The following DDX5 variants were observed in gnomAD, a reference collection of about 807,000 sequenced individuals.
DDX5 encodes DEAD-box helicase 5.
A neutral mutation model predicts 68.6 loss-of-function variants in DDX5; 6 were observed. The observed-to-expected ratio is 0.09, with a 90% confidence interval of 0.05 to 0.17. The LOEUF (loss-of-function observed/expected upper bound fraction) is 0.17. Ranked by LOEUF, DDX5 falls within the 10% of genes least tolerant of loss-of-function variation. The pLI, the probability that DDX5 is intolerant of heterozygous loss-of-function variation, is 1.00. For synonymous variants in DDX5, 350 were observed against 247.0 expected (o/e 1.42, Z -3.91); for missense variants, 499 against 756.1 (o/e 0.66, Z 3.99).
chr17:64,505,707 T>A (rs2038466076), intron 1 of DDX5: 2 of 1,531,542 alleles, frequency 1.3e-6, no homozygotes, highest in South Asian at 2.4e-5. Flanking sequence ...TCCCACAGAA[T>A]GCCCGGCCAC....
intron 8 of DDX5, 81 bp from the exon 9 acceptor site, chr17:64,502,630 A>AT: frequency 9.9e-7 from 1 of 1,014,974 alleles, no homozygotes; most frequent in East Asian, 2.4e-5. Flanking sequence ...TCAGCAAAAC[A>AT]TTAAGTTCAA....
intron 12 of DDX5, 60 bp downstream of exon 12, chr17:64,500,489 T>G (rs1012259676): frequency 2.6e-6 from 4 of 1,557,312 alleles, no homozygotes; most frequent in Non-Finnish European, 3.5e-6. Flanking sequence ...ACCATTTAAA[T>G]GGATTTGTAG....
chr17:64,502,680 C>T, intron 8 of DDX5, 131 bp from the exon 9 acceptor site: 2 of 757,546 alleles, frequency 2.6e-6, no homozygotes, highest in South Asian at 3.6e-5. Context: ...GCCTGCTAAT[C>T]CACTTATCGA....
Position 64,499,771 on chromosome 17 carries a change from C to A in DDX5, c.*152G>T. The stretch of plus-strand genomic sequence containing the variant: ...TTGTTTCAGGAATGTAGAGAAATAT[C>A]CAACTTAAATAGCGAAAAAGTGCAC... On this transcript the variant is annotated 3_prime_UTR_variant, in exon 13 of 13. Coordinates refer to ENST00000225792, the MANE Select transcript of DDX5 (RefSeq NM_004396.5). 1.5e-6 allele frequency: 1 copy of A among 655,794 alleles called. No homozygotes were observed. The highest frequency in any genetic ancestry group is 2.3e-6 in the Non-Finnish European group (1 of 431,162). 40.6% of individuals were successfully genotyped at this position (655,794 alleles called of 1,614,324 possible).
intron 2 of DDX5, 173 bp from the exon 3 acceptor site, chr17:64,504,491 C>T: frequency 2.2e-6 from 2 of 922,582 alleles, no homozygotes; most frequent in Non-Finnish European, 3.2e-6. Context: ...TTGTTATACT[C>T]AACCTAATTT....
At chr17:64,502,133 G>C in intron 10 of DDX5, 29 bp downstream of exon 10, 1 of 1,613,748 alleles carries the variant, frequency 6.2e-7, no homozygotes, top group Non-Finnish European at 8.5e-7. Flanking sequence ...TTAAGTAAGG[G>C]GGAAAAATAC....
At chr17:64,503,130 A>T in intron 7 of DDX5, 32 bp from the exon 8 acceptor site, 1 of 1,611,790 alleles carries the variant, frequency 6.2e-7, no homozygotes, top group Non-Finnish European at 8.5e-7. Flanking sequence ...AATTAGTATC[A>T]GACTCTTAAG....
upstream of DDX5, chr17:64,506,308 G>C (rs1482492335): frequency 6.0e-6 from 9 of 1,511,070 alleles, no homozygotes; most frequent in African/African-American, 9.7e-5. Flanking sequence ...CTTTCCGGCA[G>C]CCGCTTTTAT....
chr17:64,504,365 TAGCTA>T, intron 2 of DDX5, 47 bp from the exon 3 acceptor site: 1 of 1,484,888 alleles, frequency 6.7e-7, no homozygotes, highest in South Asian at 1.1e-5. Context: ...CAACCACCCC[TAGCTA>T]AATACGTAAT....
intron 4 of DDX5, 30 bp downstream of exon 4, chr17:64,503,953 A>AG: frequency 6.2e-7 from 1 of 1,614,078 alleles, no homozygotes; most frequent in Non-Finnish European, 8.5e-7. Flanking sequence ...TGCATATATC[A>AG]GATCAACTCA....
At chr17:64,502,403 T>G (rs2144258457) in intron 9 of DDX5, 36 bp downstream of exon 9, 8 of 1,532,176 alleles carry the variant, frequency 5.2e-6, no homozygotes, top group Non-Finnish European at 7.2e-6. Context: ...TAAGCTGTTT[T>G]AATCAATCTG....
At position 64,500,019 on chromosome 17, in the gene DDX5, A is replaced by G. The variant is rs1555670709; in HGVS notation, c.1749T>C (p.Asn583=). ...CCTGTTGGTTCATACCATTGTGCAT[A>G]TTTGGAACATTACTTCCGTATTGCT... ...STQQYGSNVP[N]MHNGMNQQAY... is the part of the protein sequence containing the mutation. The change falls in exon 13 of 13, where the codon AAT becomes AAC. Residue 583 remains asparagine, a synonymous_variant. Coordinates refer to ENST00000225792, the MANE Select transcript of DDX5 (RefSeq NM_004396.5). The G allele has an allele frequency of 6.2e-7, 1 of 1,614,220 alleles. No homozygotes were observed. The highest frequency in any genetic ancestry group is 2.2e-5 in the East Asian group (1 of 44,894).
At position 64,502,223 on chromosome 17, in the gene DDX5, C is replaced by T; in HGVS notation, c.1095G>A (p.Gly365=). The change falls in exon 10 of 13, where the codon GGG becomes GGA. Residue 365 remains glycine, a splice_region_variant and synonymous_variant. Coordinates refer to ENST00000225792, the MANE Select transcript of DDX5 (RefSeq NM_004396.5). ...CACCATGGATACCCATGGCAGGCCA[C>T]CTAAGTTAAAAGACAAGTTGTGTTA... ...DELTRKMRRD[G]WPAMGIHGDK... is the part of the protein sequence containing the mutation. The T allele has an allele frequency of 1.2e-6, 2 of 1,613,936 alleles. No individual in the cohort carries two copies. The highest frequency in any genetic ancestry group is 1.1e-5 in the South Asian group (1 of 91,060).
intron 2 of DDX5, 41 bp downstream of exon 2, chr17:64,504,616 TTTCATTTACTAGAATCCACG>T: frequency 1.3e-6 from 2 of 1,526,752 alleles, no homozygotes; most frequent in Non-Finnish European, 1.8e-6. Flanking sequence ...CCTGTCAGAA[TTTCATTTACTAGAATCCACG>T]ATCGAGTTAC....
In DDX5 at chr17:64,500,990, G is replaced by A. The variant is rs1207874643; in HGVS notation, c.1217-217C>T. 1.2e-5 allele frequency: 7 copies of A among 576,534 alleles called. No homozygotes were observed. In the East Asian group the frequency reaches 2.0e-4, roughly 16 times the overall value. The allele number at this position is 576,534 out of a possible 1,614,324, so 35.7% of individuals were successfully genotyped here. On this transcript the variant is annotated intron_variant, in intron 11 of 12. Coordinates refer to ENST00000225792, the MANE Select transcript of DDX5 (RefSeq NM_004396.5). ...ATCTGTATAATTCATCACCCACCCA[G>A]TGACAGACCCTGTCAAAAGGAATGT...
At chr17:64,500,381 T>C in intron 12 of DDX5, 55 bp from the exon 13 acceptor site, 1 of 1,560,450 alleles carries the variant, frequency 6.4e-7, no homozygotes, top group South Asian at 1.2e-5. Flanking sequence ...CAAATCATTG[T>C]GGACAGAAAG....
Position 64,503,505 on chromosome 17 carries a change from T to C in DDX5, c.574A>G (p.Arg192Gly). The C allele has an allele frequency of 6.2e-7, 1 of 1,614,254 alleles. No individual in the cohort carries two copies. The highest frequency in any genetic ancestry group is 8.5e-7 in the Non-Finnish European group (1 of 1,180,032). ...CAAGTAGACTTCAAGCGACATGCTCTACAATATTCAGCAGCTACTTGCTGC... is the reference window on the plus strand; with the variant it reads ...CAAGTAGACTTCAAGCGACATGCTCCACAATATTCAGCAGCTACTTGCTGC... ...QVQQVAAEYC[R>G]ACRLKSTCIY... Residue 192 changes from arginine (R) to glycine (G), a missense_variant, in exon 6 of 13, where the codon AGA (arginine) becomes GGA (glycine). Coordinates refer to ENST00000225792, the MANE Select transcript of DDX5 (RefSeq NM_004396.5).
Position 64,498,888 on chromosome 17 carries a change from T to C in DDX5, c.*1035A>G, listed in dbSNP as rs2038223849. On this transcript the variant is annotated 3_prime_UTR_variant, in exon 13 of 13. Coordinates refer to ENST00000225792, the MANE Select transcript of DDX5 (RefSeq NM_004396.5). ...TCATTCACTGTGCTTTTGGTTACGT[T>C]GCCTCCTGATTAGTCATTAATTTTA... Among the ~76,000 whole-genome samples, 1 of 152,218 alleles carries C rather than the reference T, an allele frequency of 6.6e-6. No individual in the cohort carries two copies. Among genetic ancestry groups the C allele is most frequent in the Non-Finnish European group, 1.5e-5 (1 of 68,036 alleles).
At chr17:64,504,964 G>A in intron 1 of DDX5, 122 bp from the exon 2 acceptor site, 2 of 830,018 alleles carry the variant, frequency 2.4e-6, no homozygotes, top group Non-Finnish European at 1.8e-6. Context: ...GGTAAACCTA[G>A]CACTGTCCTT....
Sources: allele counts gnomAD v4.1 joint callset (sites outside exome capture counted in the v4.1 genomes callset), GRCh38; gene constraint gnomAD v4.1.1; transcripts MANE v1.5; gene names NCBI Gene and HGNC (gene_info 2026-07-23, HGNC 2026-07-21).